Variants in PLCH1 observed in about 807,000 individuals in gnomAD.
PLCH1 encodes the protein phospholipase C eta 1, also known as 1-phosphatidylinositol 4,5-bisphosphate phosphodiesterase eta-1.
PLCH1 carries 60 observed loss-of-function variants against 126.7 expected under a neutral mutation model. The observed-to-expected ratio is 0.47, with a 90% CI of 0.38 to 0.59. The LOEUF is 0.59. Among genes scored for constraint, PLCH1 ranks in the 20% least tolerant of loss-of-function variants. The pLI, the probability that PLCH1 is intolerant of heterozygous loss-of-function variation, is 0.00. For synonymous variants in PLCH1, 719 were observed against 734.9 expected, an observed-to-expected ratio of 0.98 and a Z score of 0.35; for missense variants, 1,723 against 2,040.0, an observed-to-expected ratio of 0.84 and a Z score of 2.99.
intron 6 of PLCH1, 47 bp downstream of exon 6, chr3:155,583,425 T>C (rs1478815850): frequency 7.0e-7 from 1 of 1,429,366 alleles, no homozygotes; most frequent in Non-Finnish European, 9.5e-7. Flanking sequence ...GACATATCTT[T>C]CATGAGTACT....
At chr3:155,614,244 C>T (rs1332942822) in intron 2 of PLCH1, among the ~76,000 whole-genome samples, 9 of 151,854 alleles carry the variant, frequency 5.9e-5, no homozygotes, top group South Asian at 2.1e-4. Context: ...ACAAGTTCAA[C>T]GCAATGCCCA....
intron 11 of PLCH1, among the ~76,000 whole-genome samples, chr3:155,517,953 G>A (rs1270878916): frequency 2.0e-5 from 3 of 152,296 alleles, no homozygotes; most frequent in Middle Eastern, 3.4e-3. Context: ...GTACACAGTA[G>A]TCCCCCTTTA....
chr3:155,546,257 G>A (rs1415532382), intron 10 of PLCH1, among the ~76,000 whole-genome samples: 1 of 152,092 alleles, frequency 6.6e-6, no homozygotes, highest in Admixed American at 6.6e-5. Context: ...GACAAACAGA[G>A]AGCCAAATCA....
chr3:155,626,693 C>T (rs970156920), intron 2 of PLCH1, among the ~76,000 whole-genome samples: 4 of 135,144 alleles, frequency 3.0e-5, no homozygotes, highest in Admixed American at 2.5e-4. Context: ...GGCATGAACC[C>T]GGGAGGCAGA....
At chr3:155,543,195 G>A (rs928530069) in intron 10 of PLCH1, among the ~76,000 whole-genome samples, 1 of 152,184 alleles carries the variant, frequency 6.6e-6, no homozygotes, top group African/African-American at 2.4e-5. Flanking sequence ...GTACTTAAAG[G>A]AGCCGATGGA....
At chr3:155,684,134 T>C (rs144187741) in intron 2 of PLCH1, among the ~76,000 whole-genome samples, 1 of 152,298 alleles carries the variant, frequency 6.6e-6, no homozygotes, top group African/African-American at 2.4e-5. Context: ...TTACAATACA[T>C]GCATTCAAAT....
At chr3:155,562,278 G>T (rs551962439) in intron 8 of PLCH1, among the ~76,000 whole-genome samples, 130 of 152,230 alleles carry the variant, frequency 8.5e-4, no homozygotes, top group South Asian at 2.1e-3. Context: ...TGTCACCTGT[G>T]ACTAAATCCC....
intron 6 of PLCH1, among the ~76,000 whole-genome samples, chr3:155,569,899 C>A (rs1337495940): frequency 6.6e-6 from 1 of 152,144 alleles, no homozygotes; most frequent in Non-Finnish European, 1.5e-5. Flanking sequence ...GAGCTAACTG[C>A]AGGTGAGCAG....
At chr3:155,467,095 C>T (rs1273540628) in intron 21 of PLCH1, among the ~76,000 whole-genome samples, 1 of 151,950 alleles carries the variant, frequency 6.6e-6, no homozygotes, top group Non-Finnish European at 1.5e-5. Context: ...GGCATAAAAA[C>T]AGAACTTCCT....
At chr3:155,661,967 G>A (rs1452939226) in intron 2 of PLCH1, among the ~76,000 whole-genome samples, 1 of 152,144 alleles carries the variant, frequency 6.6e-6, no homozygotes, top group Non-Finnish European at 1.5e-5. Flanking sequence ...ATGTTGTAAT[G>A]GTATCTGATA....
chr3:155,500,667 G>A (rs753259350), intron 14 of PLCH1, 36 bp downstream of exon 14: 77 of 1,265,884 alleles, frequency 6.1e-5, no homozygotes, highest in South Asian at 1.6e-4. Context: ...AGGGGCCTCA[G>A]GAGTGTGAGT....
rs546010540 is a variant in PLCH1 at position 155,700,282 on chromosome 3, C to G, written c.79+3864G>C. Among the ~76,000 whole-genome samples, 3 of 152,210 alleles carry G rather than the reference C, an allele frequency of 2.0e-5. No homozygotes were observed. In the East Asian group the frequency reaches 5.8e-4, roughly 29 times the overall value. On this transcript the variant is annotated intron_variant, in intron 2 of 22. Coordinates refer to ENST00000460012, the MANE Select transcript of PLCH1 (RefSeq NM_014996.4). ...AAGGGGAGGCTGGATAAAAAGTAATCCTTTAATTAATTAACTAAGTCAATT... is the reference window on the plus strand; with the variant it reads ...AAGGGGAGGCTGGATAAAAAGTAATGCTTTAATTAATTAACTAAGTCAATT...
chr3:155,458,355 AAAAG>A (rs1560027031), intron 21 of PLCH1, among the ~76,000 whole-genome samples: 1 of 139,526 alleles, frequency 7.2e-6, no homozygotes, highest in Non-Finnish European at 1.5e-5. Flanking sequence ...AAAAAAAAAA[AAAAG>A]AAAGAAAGAA....
At position 155,652,778 on chromosome 3, in the gene PLCH1, G is replaced by C. The variant is rs144378721; in HGVS notation, c.79+51368C>G. Among the ~76,000 whole-genome samples the C allele has an allele frequency of 3.9e-3, 599 of 152,072 alleles. 4 individuals are homozygous for C. Among genetic ancestry groups the C allele is most frequent in the African/African-American group, 0.014 (579 of 41,476 alleles). ...AAAGGAGTCATAACCCACCCTCTCA[G>C]GCACTCACCCTCATCCGCTGATGAT... On this transcript the variant is annotated intron_variant, in intron 2 of 22. Coordinates refer to ENST00000460012, the MANE Select transcript of PLCH1 (RefSeq NM_014996.4).
intron 2 of PLCH1, among the ~76,000 whole-genome samples, chr3:155,626,857 A>T (rs931766433): frequency 6.6e-6 from 1 of 151,744 alleles, no homozygotes; most frequent in Non-Finnish European, 1.5e-5. Flanking sequence ...CATTCAAAAC[A>T]ATAGGCTAGG....
intron 2 of PLCH1, among the ~76,000 whole-genome samples, chr3:155,671,447 T>C (rs1559921014): frequency 1.3e-5 from 2 of 152,218 alleles, no homozygotes; most frequent in African/African-American, 2.4e-5. Context: ...ATAGTCACAA[T>C]AATGTAAATG....
At chr3:155,475,073 A>T (rs1713478076), downstream of PLCH1, among the ~76,000 whole-genome samples, 1 of 150,566 alleles carries the variant, frequency 6.6e-6, no homozygotes. Context: ...AACTTAAAGT[A>T]TTAAAAAAAA....
At chr3:155,512,020 A>G (rs192596037) in intron 12 of PLCH1, among the ~76,000 whole-genome samples, 3 of 150,328 alleles carry the variant, frequency 2.0e-5, no homozygotes, top group Non-Finnish European at 4.4e-5. Context: ...TGGGCGTAGG[A>G]CCCTCTGAGC....
intron 12 of PLCH1, among the ~76,000 whole-genome samples, chr3:155,512,561 A>G (rs956161005): frequency 6.6e-6 from 1 of 152,218 alleles, no homozygotes. Flanking sequence ...CAAGTTATCT[A>G]TGTGAAATGG....
Sources: gnomAD v4.1 joint callset for allele counts (sites outside exome capture counted in the v4.1 genomes callset) on GRCh38, gnomAD v4.1.1 for gene constraint, MANE v1.5 for transcripts, NCBI Gene and HGNC (gene_info 2026-07-23, HGNC 2026-07-21) for gene names.